The following SLC12A1 variants were observed in gnomAD, a reference collection of about 807,000 sequenced individuals.
SLC12A1 encodes Na-K-2Cl cotransporter.
A neutral mutation model predicts 130.4 loss-of-function variants in SLC12A1; 89 were observed. That is an observed-to-expected ratio of 0.68 (90% CI 0.58 to 0.81). The LOEUF (loss-of-function observed/expected upper bound fraction) is 0.81, where lower values mean the gene tolerates loss of function less well. SLC12A1 is among the 40% of genes least tolerant of loss of function. The probability of loss-of-function intolerance (pLI) is 0.00; values close to 1 mark genes in which losing one functional copy is unlikely to be tolerated. For synonymous variants in SLC12A1, 499 were observed against 460.0 expected (o/e 1.08, Z -1.09); for missense variants, 1,310 against 1,336.4 (o/e 0.98, Z 0.31).
intron 9 of SLC12A1, chr15:48,237,221 G>A (rs2041449815): frequency 1.8e-6 from 1 of 563,840 alleles, no homozygotes; most frequent in Admixed American, 3.3e-5. Flanking sequence ...AGAAGAGACG[G>A]ACATTTGAAA....
At chr15:48,219,061 C>A (rs2041164618) in intron 2 of SLC12A1, among the ~76,000 whole-genome samples, 1 of 152,174 alleles carries the variant, frequency 6.6e-6, no homozygotes, top group Non-Finnish European at 1.5e-5. Context: ...CTACCAACTT[C>A]TTATTTCTAC....
rs773866830 is a variant in SLC12A1, at chr15:48,302,755, T to C, written c.3170T>C (p.Leu1057Pro). ...SRAANLIVLS[L>P]PVARKGSISD... ...TTTTTCCTTCATGTCATTAGGAGCC[T>C]TCCCGTGGCAAGAAAGGGATCCATA... The change falls in exon 27 of 27, where the codon CTT (leucine) becomes CCT (proline). Residue 1057 changes from leucine to proline, a missense_variant. Leu to Pro is a moderately conservative substitution (Grantham distance 98). Coordinates refer to ENST00000380993, the MANE Select transcript of SLC12A1 (RefSeq NM_000338.3). The C allele has an allele frequency of 6.2e-7, 1 of 1,607,542 alleles. No individual in the cohort carries two copies. The highest frequency in any genetic ancestry group is 1.1e-5 in the South Asian group (1 of 89,242).
intron 9 of SLC12A1, 36 bp from the exon 10 acceptor site, chr15:48,241,479 T>C (rs1233256571): frequency 7.0e-7 from 1 of 1,436,272 alleles, no homozygotes; most frequent in Admixed American, 1.7e-5. Context: ...CTTATTCTGC[T>C]CTGTATTCTT....
intron 2 of SLC12A1, among the ~76,000 whole-genome samples, chr15:48,214,767 G>T (rs1050355655): frequency 6.8e-6 from 1 of 146,906 alleles, no homozygotes; most frequent in South Asian, 2.2e-4. Flanking sequence ...AGTGGGAGGG[G>T]CTTAGGTTAG....
At position 48,285,199 on chromosome 15, in the gene SLC12A1, T is replaced by C. The variant is rs1566856001; in HGVS notation, c.2579T>C (p.Leu860Ser). ...GAGGAAAGTGGAGGCATCCGAGGCT[T>C]GTTTAAAAAAGCTGGCAAGTTGAAC... ...CEEESGGIRGLFKKAGKLNIT... is the reference protein window; with the variant it reads ...CEEESGGIRGSFKKAGKLNIT... The change falls in exon 21 of 27, where the codon TTG (leucine) becomes TCG (serine). Residue 860 changes from leucine (L) to serine (S), a missense_variant. Physicochemically the swap from Leu to Ser is moderately radical, Grantham distance 145. Transcript: ENST00000380993. The C allele has an allele frequency of 3.1e-6, 5 of 1,613,878 alleles. No individual in the cohort carries two copies. The highest frequency in any genetic ancestry group is 3.4e-6 in the Non-Finnish European group (4 of 1,179,828).
intron 8 of SLC12A1, 52 bp downstream of exon 8, chr15:48,232,890 C>G (rs1179430862): frequency 9.3e-7 from 1 of 1,075,844 alleles, no homozygotes; most frequent in African/African-American, 1.6e-5. Context: ...CATTGCCCTC[C>G]TCATCACCAT....
intron 23 of SLC12A1, among the ~76,000 whole-genome samples, chr15:48,289,394 C>CATATATATATATATAT (rs10609887): frequency 5.3e-5 from 6 of 112,858 alleles, no homozygotes; most frequent in South Asian, 2.8e-4. Flanking sequence ...GTGAATGTGA[C>CATATATATATATATAT]ATATATATAT....
intron 26 of SLC12A1, among the ~76,000 whole-genome samples, chr15:48,301,728 C>T (rs2042235963): frequency 2.6e-5 from 4 of 152,078 alleles, no homozygotes; most frequent in Admixed American, 2.0e-4. Flanking sequence ...CTCACGGGCC[C>T]CTTCCCTGAG....
rs1597420714 is a variant in SLC12A1, at chr15:48,242,166, T to A, written c.1300+567T>A. 5.9e-5 allele frequency among the ~76,000 whole-genome samples: 9 copies of A among 152,298 alleles called. No homozygotes were observed. In the South Asian group the frequency reaches 1.9e-3, roughly 32 times the overall value. On this transcript the variant is annotated intron_variant, in intron 10 of 26. Transcript: ENST00000380993. ...CATTGTTCAGTGAACAGAAAATATG[T>A]GTACTCACCTGCTGTTCCTGAGACT...
intron 17 of SLC12A1, among the ~76,000 whole-genome samples, chr15:48,259,907 G>A (rs762948338): frequency 6.6e-6 from 1 of 152,098 alleles, no homozygotes; most frequent in Non-Finnish European, 1.5e-5. Flanking sequence ...TTCAAAACTG[G>A]TGCTAGTAAT....
In SLC12A1 at chr15:48,237,145, A is replaced by T. The variant is rs2041449036; in HGVS notation, c.1215+2141A>T. 6.2e-6 allele frequency: 4 copies of T among 642,634 alleles called. No homozygotes were observed. The Admixed American group carries it at 9.7e-5, about 16-fold the overall frequency. 39.8% of individuals were successfully genotyped at this position (642,634 alleles called of 1,614,324 possible). ...CTGTCCCCTCAAAAAGTAAAGGAAG[A>T]CTTTCAGAAGAGGGGACACTCAATC... On this transcript the variant is annotated intron_variant, in intron 9 of 26. Coordinates refer to ENST00000380993, the MANE Select transcript of SLC12A1 (RefSeq NM_000338.3).
chr15:48,303,110 T>G lies in SLC12A1; in HGVS notation c.*225T>G. ...CAATGTTATCCCTAGAAAAACATTT[T>G]TGTCACTGCTGTTGATAAACAAGAA... On this transcript the variant is annotated 3_prime_UTR_variant, in exon 27 of 27. Coordinates refer to ENST00000380993, the MANE Select transcript of SLC12A1 (RefSeq NM_000338.3). The G allele has an allele frequency of 2.9e-6, 1 of 339,804 alleles. No homozygotes were observed. Among genetic ancestry groups the G allele is most frequent in the Non-Finnish European group, 5.3e-6 (1 of 190,116 alleles). 21.0% of individuals were successfully genotyped at this position (339,804 alleles called of 1,614,324 possible). A position where few individuals can be genotyped will look rare whatever the true frequency, so the allele number is the denominator to read the frequency against.
chr15:48,289,429 A>ATATATATAT (rs60319528), intron 23 of SLC12A1, among the ~76,000 whole-genome samples: 10 of 119,582 alleles, frequency 8.4e-5, no homozygotes, highest in African/African-American at 2.0e-4. Context: ...ATATATATAT[A>ATATATATAT]ATGTATAACT....
At chr15:48,296,178 G>A (rs12595230) in intron 24 of SLC12A1, among the ~76,000 whole-genome samples, 4 of 152,124 alleles carry the variant, frequency 2.6e-5, no homozygotes, top group African/African-American at 7.2e-5. Flanking sequence ...CTTGGTTGCC[G>A]GGTGATACAC....
At chr15:48,245,840 T>A (rs1025949028) in intron 11 of SLC12A1, among the ~76,000 whole-genome samples, 3 of 152,230 alleles carry the variant, frequency 2.0e-5, no homozygotes, top group Non-Finnish European at 4.4e-5. Flanking sequence ...TTGAGAAATC[T>A]TGGAATGCAT....
chr15:48,243,230 T>C (rs1322315058), intron 10 of SLC12A1, among the ~76,000 whole-genome samples: 3 of 151,986 alleles, frequency 2.0e-5, no homozygotes, highest in Admixed American at 6.6e-5. Context: ...AGGTAAAATA[T>C]GAAAGAATAG....
rs1567317084 is a variant in SLC12A1, at chr15:48,240,076, T to TCC, written c.1216-1439_1216-1438insCC. ...ATATATATATATATATATATCCATA[T>TCC]ATATATATATATATCCATATATATA... On this transcript the variant is annotated intron_variant, in intron 9 of 26. Transcript: ENST00000380993. Among the ~76,000 whole-genome samples, 17 of 108,360 alleles carry TCC rather than the reference T, an allele frequency of 1.6e-4. 1 individual carries two copies. Among genetic ancestry groups the TCC allele is most frequent in the Admixed American group, 8.1e-4 (8 of 9,918 alleles). The allele number at this position is 108,360 out of a possible 152,430, so 71.1% of individuals were successfully genotyped here.
chr15:48,234,469 G>A (rs568847809), intron 8 of SLC12A1, among the ~76,000 whole-genome samples: 6 of 152,150 alleles, frequency 3.9e-5, no homozygotes, highest in Non-Finnish European at 5.9e-5. Flanking sequence ...GTGGCCGGGC[G>A]CGGTAGCTCA....
rs145887136 is a variant in SLC12A1 at position 48,288,412 on chromosome 15, A to G, written c.2769A>G (p.Thr923=). The change falls in exon 23 of 27, where the codon ACA becomes ACG. Residue 923 remains threonine (T), a synonymous_variant. Transcript: ENST00000380993. The part of the protein sequence containing the change: ...VWWLFDDGGL[T]LLIPYILTLR... Reference sequence around the variant, plus strand: ...ATTTATTCTTTATTCCAGGGTTAACACTTCTTATCCCCTATATCTTAACTC... The same window carrying G: ...ATTTATTCTTTATTCCAGGGTTAACGCTTCTTATCCCCTATATCTTAACTC... 111 of 1,473,358 alleles carry G rather than the reference A, an allele frequency of 7.5e-5. No homozygotes were observed. Among genetic ancestry groups the G allele is most frequent in the Non-Finnish European group, 1.0e-4 (111 of 1,075,914 alleles). 91.3% of individuals were successfully genotyped at this position (1,473,358 alleles called of 1,614,324 possible).
Sources: allele counts gnomAD v4.1 joint callset (sites outside exome capture counted in the v4.1 genomes callset), GRCh38; gene constraint gnomAD v4.1.1; transcripts MANE v1.5; gene names NCBI Gene and HGNC (gene_info 2026-07-23, HGNC 2026-07-21).